SOX6: variants seen among roughly 807,000 people sequenced by gnomAD.
SOX6 encodes transcription factor SOX-6.
A neutral mutation model predicts 97.8 loss-of-function variants in SOX6; 11 were observed. That is an observed-to-expected ratio of 0.11 (90% confidence interval 0.07 to 0.19). The LOEUF (loss-of-function observed/expected upper bound fraction) is 0.19, where lower values mean the gene tolerates loss of function less well. Ranked by LOEUF, SOX6 falls within the 10% of genes least tolerant of loss-of-function variation. The pLI, the probability that SOX6 is intolerant of heterozygous loss-of-function variation, is 1.00. For missense variants in SOX6, 810 were observed against 1,039.5 expected (o/e 0.78, Z 3.04); for synonymous variants, 360 against 371.4 (o/e 0.97, Z 0.35).
chr11:16,724,348 A>G lies in SOX6; in HGVS notation n.354-9443T>C, dbSNP rs140963485. ...TCTGCCTCAGTTTCCTGATCTGTAA[A>G]ACAGGATAATAATAGTATGTAACAA... On this transcript the variant is annotated intron_variant and non_coding_transcript_variant, in intron 2 of 5. Transcript: ENST00000524520. Among the ~76,000 whole-genome samples, 21 of 152,338 alleles carry G rather than the reference A, an allele frequency of 1.4e-4. 1 individual carries two copies. In the East Asian group the frequency reaches 4.1e-3, roughly 29 times the overall value.
intron 9 of SOX6, among the ~76,000 whole-genome samples, chr11:16,087,206 A>G (rs1244355268): frequency 6.6e-6 from 1 of 152,198 alleles, no homozygotes; most frequent in African/African-American, 2.4e-5. Flanking sequence ...GTAAAAGGCT[A>G]TAAAATAGGT....
intron 3 of SOX6, among the ~76,000 whole-genome samples, chr11:16,282,340 G>A (rs941434970): frequency 6.6e-6 from 1 of 151,356 alleles, no homozygotes; most frequent in African/African-American, 2.4e-5. Flanking sequence ...AAGAAATACA[G>A]ATATTCATTT....
chr11:16,269,530 T>C (rs1036387174), intron 3 of SOX6, among the ~76,000 whole-genome samples: 8 of 150,844 alleles, frequency 5.3e-5, no homozygotes, highest in Non-Finnish European at 1.0e-4. Context: ...AACTTATAAA[T>C]AACTAACTTC....
chr11:16,272,552 C>A (rs947481650), intron 3 of SOX6, among the ~76,000 whole-genome samples: 3 of 151,632 alleles, frequency 2.0e-5, no homozygotes, highest in Non-Finnish European at 4.4e-5. Context: ...CGATCTTTAG[C>A]AAAATATGTA....
intron 1 of SOX6, among the ~76,000 whole-genome samples, chr11:16,344,987 T>C (rs1446802335): frequency 6.6e-6 from 1 of 152,008 alleles, no homozygotes; most frequent in Non-Finnish European, 1.5e-5. Flanking sequence ...TTCTTTACTG[T>C]GCTCCCAGCC....
chr11:16,450,798 A>G (rs893340647), intron 1 of SOX6, among the ~76,000 whole-genome samples: 2 of 152,242 alleles, frequency 1.3e-5, no homozygotes, highest in Non-Finnish European at 2.9e-5. Context: ...AAGAAAACCC[A>G]GATTGCTATA....
intron 6 of SOX6, among the ~76,000 whole-genome samples, chr11:16,138,504 T>C (rs1239116407): frequency 6.6e-6 from 1 of 152,146 alleles, no homozygotes; most frequent in South Asian, 2.1e-4. Context: ...CTGATCTTTA[T>C]AACCTTAAAA....
At position 16,645,760 on chromosome 11, in the gene SOX6, G is replaced by A. The variant is rs535862960; in HGVS notation, n.430-33500C>T. 7.9e-5 allele frequency among the ~76,000 whole-genome samples: 12 copies of A among 152,292 alleles called. No individual in the cohort carries two copies. In the South Asian group the frequency reaches 2.5e-3, roughly 32 times the overall value. On this transcript the variant is annotated intron_variant and non_coding_transcript_variant, in intron 3 of 5. Transcript: ENST00000524520. ...GAAGAGGCAAGGAAGGATTCCACCAGGTTTCAGGTGGAGACTGGCCCTCTA... is the reference window on the plus strand; with the variant it reads ...GAAGAGGCAAGGAAGGATTCCACCAAGTTTCAGGTGGAGACTGGCCCTCTA...
At chr11:16,603,572 G>C (rs1210023230) in intron 4 of SOX6, among the ~76,000 whole-genome samples, 3 of 152,218 alleles carry the variant, frequency 2.0e-5, no homozygotes, top group Non-Finnish European at 4.4e-5. Flanking sequence ...ATCCAACCTA[G>C]AAGCATGAAG....
At chr11:16,478,953 C>T (rs1317539567), upstream of SOX6, among the ~76,000 whole-genome samples, 1 of 152,150 alleles carries the variant, frequency 6.6e-6, no homozygotes, top group Non-Finnish European at 1.5e-5. Flanking sequence ...GCCTAATCAC[C>T]CATGGATTGT....
chr11:16,659,680 T>A (rs2134018347), intron 3 of SOX6, among the ~76,000 whole-genome samples: 1 of 152,342 alleles, frequency 6.6e-6, no homozygotes, highest in South Asian at 2.1e-4. Context: ...TGCTTCTATT[T>A]TCTGGAAGAG....
At chr11:16,418,394 C>T (rs567778944) in intron 1 of SOX6, among the ~76,000 whole-genome samples, 1 of 152,226 alleles carries the variant, frequency 6.6e-6, no homozygotes, top group South Asian at 2.1e-4. Flanking sequence ...GATTTTTTAT[C>T]CTGAGAACAT....
intron 4 of SOX6, among the ~76,000 whole-genome samples, chr11:16,549,928 G>GT (rs1313678035): frequency 2.0e-5 from 3 of 152,172 alleles, no homozygotes; most frequent in African/African-American, 4.8e-5. Context: ...AACAGTGGTT[G>GT]TCAGGGGTAT....
At chr11:16,254,349 T>A (rs1853616482) in intron 3 of SOX6, among the ~76,000 whole-genome samples, 1 of 152,118 alleles carries the variant, frequency 6.6e-6, no homozygotes, top group Admixed American at 6.5e-5. Context: ...ATAGCATCAA[T>A]GTACTTGATT....
At chr11:16,107,368 C>T (rs1043434862) in intron 7 of SOX6, among the ~76,000 whole-genome samples, 8 of 144,286 alleles carry the variant, frequency 5.5e-5, no homozygotes, top group Admixed American at 4.8e-4. Flanking sequence ...AACAGATAAA[C>T]AAAATGTGAT....
At chr11:16,546,808 A>G (rs569846375) in intron 4 of SOX6, among the ~76,000 whole-genome samples, 4 of 152,312 alleles carry the variant, frequency 2.6e-5, no homozygotes, top group Admixed American at 2.6e-4. Context: ...GGAAATAATC[A>G]ACAGAATGAA....
At chr11:16,240,634 C>G (rs1853167668) in intron 3 of SOX6, among the ~76,000 whole-genome samples, 1 of 151,876 alleles carries the variant, frequency 6.6e-6, no homozygotes, top group Non-Finnish European at 1.5e-5. Flanking sequence ...AGAAATTGTT[C>G]AAAAGCAACT....
intron 6 of SOX6, among the ~76,000 whole-genome samples, chr11:16,147,398 G>A (rs1201338397): frequency 1.3e-5 from 2 of 152,008 alleles, no homozygotes; most frequent in African/African-American, 4.8e-5. Context: ...TATACCTAAT[G>A]CTAAATGACG....
intron 1 of SOX6, among the ~76,000 whole-genome samples, chr11:16,737,044 G>A (rs1848396452): frequency 6.6e-6 from 1 of 152,036 alleles, no homozygotes; most frequent in African/African-American, 2.4e-5. Flanking sequence ...CCTTCCACTG[G>A]TCACAGTTCA....
Sources: gnomAD v4.1 joint callset for allele counts (sites outside exome capture counted in the v4.1 genomes callset) on GRCh38, gnomAD v4.1.1 for gene constraint, MANE v1.5 for transcripts, NCBI Gene and HGNC (gene_info 2026-07-23, HGNC 2026-07-21) for gene names.